The following ZNF804B variants were observed in gnomAD, a reference collection of about 807,000 sequenced individuals.
The protein encoded by ZNF804B is zinc finger protein 804B, also known as zinc finger 804B.
Under a neutral mutation model 101.4 loss-of-function variants are expected in ZNF804B, and 80 were observed. The observed-to-expected ratio is 0.79, with a 90% CI of 0.66 to 0.95. The LOEUF (loss-of-function observed/expected upper bound fraction) is 0.95, where lower values mean the gene tolerates loss of function less well. Ranked by LOEUF, ZNF804B falls within the 40% of genes least tolerant of loss-of-function variation. The pLI is 0.00. For missense variants in ZNF804B, 1,673 were observed against 1,561.9 expected, an observed-to-expected ratio of 1.07 and a Z score of -1.20; for synonymous variants, 622 against 558.8, an observed-to-expected ratio of 1.11 and a Z score of -1.59.
At chr7:89,171,244 C>T (rs183140517) in intron 1 of ZNF804B, among the ~76,000 whole-genome samples, 1 of 151,790 alleles carries the variant, frequency 6.6e-6, no homozygotes, top group Non-Finnish European at 1.5e-5. Flanking sequence ...CTTATTTGTT[C>T]CTTGTAGTAA....
Position 89,191,360 on chromosome 7 carries a change from T to G in ZNF804B, c.109-26795T>G, listed in dbSNP as rs141169625. ...GCAAACAAGGACAATATGATTAATT[T>G]CAATATGATTGTTGATTAGCTCAGC... On this transcript the variant is annotated intron_variant, in intron 1 of 3. Transcript: ENST00000333190. 3.2e-3 allele frequency among the ~76,000 whole-genome samples: 486 copies of G among 152,244 alleles called. 4 individuals are homozygous for G. The highest frequency in any genetic ancestry group is 0.014 in the Middle Eastern group (4 of 294).
chr7:88,972,709 T>C (rs975204889), intron 1 of ZNF804B, among the ~76,000 whole-genome samples: 1 of 150,832 alleles, frequency 6.6e-6, no homozygotes, highest in African/African-American at 2.4e-5. Context: ...TAGTTAGGAG[T>C]GATAATCTCT....
intron 1 of ZNF804B, among the ~76,000 whole-genome samples, chr7:88,949,738 T>G (rs1255982818): frequency 1.3e-5 from 2 of 151,956 alleles, no homozygotes; most frequent in African/African-American, 4.8e-5. Context: ...ACCACATATA[T>G]GAAAATGGTC....
chr7:88,958,380 C>T (rs181033613), intron 1 of ZNF804B, among the ~76,000 whole-genome samples: 1 of 151,610 alleles, frequency 6.6e-6, no homozygotes, highest in Admixed American at 6.6e-5. Context: ...TTCCAATGCT[C>T]ATGTTACATG....
intron 1 of ZNF804B, among the ~76,000 whole-genome samples, chr7:89,176,547 C>T (rs775924162): frequency 9.0e-5 from 12 of 133,798 alleles, no homozygotes; most frequent in South Asian, 2.4e-4. Flanking sequence ...AAATATTGGC[C>T]TGTGGTTTTC....
intron 1 of ZNF804B, among the ~76,000 whole-genome samples, chr7:89,179,173 A>T (rs531297093): frequency 6.6e-6 from 1 of 152,102 alleles, no homozygotes; most frequent in East Asian, 1.9e-4. Context: ...GTATTTAATA[A>T]CCTTCTTGTA....
chr7:89,113,580 GC>G (rs979964427), intron 1 of ZNF804B, among the ~76,000 whole-genome samples: 7 of 152,068 alleles, frequency 4.6e-5, no homozygotes, highest in Non-Finnish European at 7.4e-5. Context: ...TACCATCATT[GC>G]CATCAGTCTC....
At chr7:89,106,573 T>C (rs1022487786) in intron 1 of ZNF804B, among the ~76,000 whole-genome samples, 1 of 152,048 alleles carries the variant, frequency 6.6e-6, no homozygotes, top group Non-Finnish European at 1.5e-5. Context: ...GATAATACTA[T>C]TACAATCTAA....
intron 1 of ZNF804B, among the ~76,000 whole-genome samples, chr7:89,214,304 T>C (rs964072644): frequency 4.6e-5 from 7 of 152,302 alleles, no homozygotes; most frequent in African/African-American, 1.7e-4. Context: ...TTCTGTCAGA[T>C]AAGCTTTCAA....
intron 1 of ZNF804B, among the ~76,000 whole-genome samples, chr7:89,082,340 CA>C (rs938182679): frequency 1.3e-5 from 2 of 151,550 alleles, no homozygotes; most frequent in Non-Finnish European, 3.0e-5. Flanking sequence ...ATAAAGTAGG[CA>C]AACTTGGTTA....
rs114868448 is a variant in ZNF804B at position 89,334,611 on chromosome 7, G to A, written c.1629G>A (p.Pro543=). The change falls in exon 4 of 4, where the codon CCG becomes CCA. Residue 543 remains proline (P), a synonymous_variant. Coordinates refer to ENST00000333190, the MANE Select transcript of ZNF804B (RefSeq NM_181646.5). ...YPKPKTMIAN[P]DWEKFQRKYN... The stretch of plus-strand genomic sequence containing the variant: ...AACCAAAGACGATGATAGCTAATCC[G>A]GATTGGGAAAAATTCCAGAGGAAAT... 2,667 of 1,613,692 alleles carry A rather than the reference G, an allele frequency of 1.7e-3. 46 individuals are homozygous for A. The African/African-American group carries it at 0.03, about 18-fold the overall frequency.
At chr7:88,767,370 T>C (rs1790000772) in intron 1 of ZNF804B, among the ~76,000 whole-genome samples, 1 of 152,210 alleles carries the variant, frequency 6.6e-6, no homozygotes, top group African/African-American at 2.4e-5. Flanking sequence ...TGTGTACTTC[T>C]CAGCACCAGA....
At chr7:89,166,729 G>A (rs1350256293) in intron 1 of ZNF804B, among the ~76,000 whole-genome samples, 2 of 152,170 alleles carry the variant, frequency 1.3e-5, no homozygotes, top group African/African-American at 2.4e-5. Context: ...TATGTGAAAA[G>A]TGGAAAGATC....
At chr7:89,244,675 G>A (rs2115771305) in intron 2 of ZNF804B, among the ~76,000 whole-genome samples, 1 of 152,170 alleles carries the variant, frequency 6.6e-6, no homozygotes, top group East Asian at 1.9e-4. Flanking sequence ...AAATACTGGG[G>A]AATGCCCAAG....
intron 1 of ZNF804B, among the ~76,000 whole-genome samples, chr7:89,014,613 GC>G (rs1180635759): frequency 6.6e-6 from 1 of 152,222 alleles, no homozygotes; most frequent in East Asian, 1.9e-4. Context: ...ACCGCGCCCA[GC>G]GATTGAACTT....
intron 2 of ZNF804B, among the ~76,000 whole-genome samples, chr7:89,282,199 T>TA (rs142207896): frequency 0.32 from 34,719 of 108,758 alleles, 5,889 homozygotes; most frequent in African/African-American, 0.42. Context: ...AGACTCCGTC[T>TA]AAAAAAAAAA....
intron 1 of ZNF804B, among the ~76,000 whole-genome samples, chr7:88,763,748 T>C (rs898098731): frequency 1.5e-5 from 2 of 130,006 alleles, no homozygotes; most frequent in African/African-American, 3.7e-5. Flanking sequence ...ATATACATTA[T>C]AGACAGAAAA....
intron 1 of ZNF804B, among the ~76,000 whole-genome samples, chr7:88,787,899 C>A (rs1424837416): frequency 6.6e-6 from 1 of 152,012 alleles, no homozygotes; most frequent in Non-Finnish European, 1.5e-5. Flanking sequence ...AATGCCTAAG[C>A]AGGGCACAGA....
rs114041961 is a variant in ZNF804B, at chr7:88,835,612, G to T, written c.108+75528G>T. Among the ~76,000 whole-genome samples, 423 of 151,858 alleles carry T rather than the reference G, an allele frequency of 2.8e-3. 5 individuals are homozygous for T. Among genetic ancestry groups the T allele is most frequent in the African/African-American group, 9.9e-3 (412 of 41,502 alleles). On this transcript the variant is annotated intron_variant, in intron 1 of 3. Transcript: ENST00000333190. ...CATGAGTTCAAAATATAATTTAAAGGAAAAGTTACAATAAAATTTGCAATG... is the reference window on the plus strand; with the variant it reads ...CATGAGTTCAAAATATAATTTAAAGTAAAAGTTACAATAAAATTTGCAATG...
Sources: allele counts gnomAD v4.1 joint callset (sites outside exome capture counted in the v4.1 genomes callset), GRCh38; gene constraint gnomAD v4.1.1; transcripts MANE v1.5; gene names NCBI Gene and HGNC (gene_info 2026-07-23, HGNC 2026-07-21).